The following B3GAT2 variants were observed in gnomAD, a reference collection of about 807,000 sequenced individuals.
B3GAT2 encodes galactosylgalactosylxylosylprotein 3-beta-glucuronosyltransferase 2.
Under a neutral mutation model 27.8 loss-of-function variants are expected in B3GAT2, and 26 were observed. That is an observed-to-expected ratio of 0.93 (90% CI 0.68 to 1.30). The LOEUF (loss-of-function observed/expected upper bound fraction) is 1.30, where lower values mean the gene tolerates loss of function less well. B3GAT2 is among the 50% of genes most tolerant of loss of function. The probability of loss-of-function intolerance (pLI) is 0.00; values close to 1 mark genes in which losing one functional copy is unlikely to be tolerated. For synonymous variants in B3GAT2, 218 were observed against 195.1 expected, an observed-to-expected ratio of 1.12 and a Z score of -0.98; for missense variants, 458 against 459.0, an observed-to-expected ratio of 1.00 and a Z score of 0.02.
At position 70,947,480 on chromosome 6, in the gene B3GAT2, G is replaced by A. The variant is rs560676265; in HGVS notation, c.591+8359C>T. Among the ~76,000 whole-genome samples the A allele has an allele frequency of 1.9e-3, 286 of 152,240 alleles. 1 individual carries two copies. Among genetic ancestry groups the A allele is most frequent in the African/African-American group, 6.0e-3 (249 of 41,538 alleles). ...CTACGCAAATAAACTAGAAAATCTA[G>A]AAGAAATGGATAAATTCCTCGACAC... On this transcript the variant is annotated intron_variant, in intron 1 of 3. Coordinates refer to ENST00000230053, the MANE Select transcript of B3GAT2 (RefSeq NM_080742.3).
chr6:70,943,761 T>A (rs373562764), intron 1 of B3GAT2, among the ~76,000 whole-genome samples: 2 of 152,110 alleles, frequency 1.3e-5, no homozygotes, highest in Non-Finnish European at 2.9e-5. Context: ...AGAGATGAGA[T>A]AAAATTTTCA....
chr6:70,861,496 A>G lies in B3GAT2; in HGVS notation c.*167T>C, dbSNP rs1000419985. 1.6e-6 allele frequency: 1 copy of G among 619,152 alleles called. No homozygotes were observed. The highest frequency in any genetic ancestry group is 1.8e-5 in the African/African-American group (1 of 54,204). The allele number at this position is 619,152 out of a possible 1,614,324, so 38.4% of individuals were successfully genotyped here. On this transcript the variant is annotated 3_prime_UTR_variant, in exon 4 of 4. Coordinates refer to ENST00000230053, the MANE Select transcript of B3GAT2 (RefSeq NM_080742.3). ...TTTGTACCAACCATCCAATTAGCTT[A>G]TGTTAACTGACAAGCTCCATTTAAA...
chr6:70,938,059 A>C (rs1165758808), intron 1 of B3GAT2, among the ~76,000 whole-genome samples: 3 of 150,996 alleles, frequency 2.0e-5, no homozygotes, highest in Non-Finnish European at 3.0e-5. Context: ...GCAAAGTCTC[A>C]GGATACAAAA....
chr6:70,940,843 G>A (rs73745721), intron 1 of B3GAT2, among the ~76,000 whole-genome samples: 2,101 of 152,190 alleles, frequency 0.014, 55 homozygotes, highest in African/African-American at 0.048. Flanking sequence ...CAGGGGAATC[G>A]CTTCAATCCA....
At chr6:70,864,933 T>C in intron 2 of B3GAT2, among the ~76,000 whole-genome samples, 1 of 151,770 alleles carries the variant, frequency 6.6e-6, no homozygotes, top group Admixed American at 6.6e-5. Context: ...CCTGGTCAGC[T>C]GAGTAAAAAA....
intron 2 of B3GAT2, among the ~76,000 whole-genome samples, chr6:70,867,361 T>C (rs747436070): frequency 2.0e-5 from 3 of 151,722 alleles, no homozygotes; most frequent in Non-Finnish European, 4.4e-5. Flanking sequence ...TAGAAAACAA[T>C]TGAGAAGATA....
Position 70,857,960 on chromosome 6 carries a change from C to G in B3GAT2, c.*3703G>C. Reference sequence around the variant, plus strand: ...ACCCACAAATATACCATTTACCTCACAAGCACCAGCTGCATTTCAGGGCTT... The same window carrying G: ...ACCCACAAATATACCATTTACCTCAGAAGCACCAGCTGCATTTCAGGGCTT... On this transcript the variant is annotated 3_prime_UTR_variant, in exon 4 of 4. Transcript: ENST00000230053. 1.2e-6 allele frequency: 2 copies of G among 1,614,118 alleles called. No individual in the cohort carries two copies. Among genetic ancestry groups the G allele is most frequent in the Non-Finnish European group, 1.7e-6 (2 of 1,179,994 alleles).
chr6:70,859,456 G>T lies in B3GAT2; in HGVS notation c.*2207C>A. On this transcript the variant is annotated 3_prime_UTR_variant, in exon 4 of 4. Coordinates refer to ENST00000230053, the MANE Select transcript of B3GAT2 (RefSeq NM_080742.3). The stretch of plus-strand genomic sequence containing the variant: ...TCTGCTTCTTCAGACACTTATGCCT[G>T]ATTAGTGATGTAGTTTATGTTAGTG... 2 of 1,264,946 alleles carry T rather than the reference G, an allele frequency of 1.6e-6. No homozygotes were observed. The highest frequency in any genetic ancestry group is 2.8e-5 in the South Asian group (2 of 72,692). 78.4% of individuals were successfully genotyped at this position (1,264,946 alleles called of 1,614,324 possible). A position where few individuals can be genotyped will look rare whatever the true frequency, so the allele number is the denominator to read the frequency against.
chr6:70,935,474 G>GTGTATATATATATATA (rs1765252870), intron 1 of B3GAT2, among the ~76,000 whole-genome samples: 3 of 151,226 alleles, frequency 2.0e-5, no homozygotes, highest in South Asian at 2.1e-4. Flanking sequence ...ATATATATGT[G>GTGTATATATATATATA]TATATATATA....
chr6:70,866,930 T>A (rs1771860973), intron 2 of B3GAT2, among the ~76,000 whole-genome samples: 2 of 152,086 alleles, frequency 1.3e-5, no homozygotes, highest in African/African-American at 2.4e-5. Flanking sequence ...TAAATCTGTC[T>A]CAATACATTT....
At position 70,944,147 on chromosome 6, in the gene B3GAT2, C is replaced by T. The variant is rs371090656; in HGVS notation, c.591+11692G>A. 1.3e-3 allele frequency among the ~76,000 whole-genome samples: 200 copies of T among 152,270 alleles called. 2 individuals carry two copies. Among genetic ancestry groups the T allele is most frequent in the Non-Finnish European group, 1.9e-3 (128 of 68,032 alleles). ...GGTCTACAGCTCCCAGCGTGAGCGA[C>T]GCAGAAGATGGGTGATTTCTGCATT... On this transcript the variant is annotated intron_variant, in intron 1 of 3. Coordinates refer to ENST00000230053, the MANE Select transcript of B3GAT2 (RefSeq NM_080742.3).
chr6:70,913,527 G>A (rs1436769915), intron 1 of B3GAT2, among the ~76,000 whole-genome samples: 3 of 152,142 alleles, frequency 2.0e-5, no homozygotes, highest in African/African-American at 7.2e-5. Flanking sequence ...GATCTTCTTG[G>A]GGCTGATTTC....
intron 2 of B3GAT2, among the ~76,000 whole-genome samples, chr6:70,887,716 C>T (rs868405514): frequency 1.2e-4 from 19 of 152,154 alleles, no homozygotes; most frequent in Admixed American, 5.9e-4. Flanking sequence ...CATTATAACA[C>T]GGGAGGAGCT....
At chr6:70,912,876 A>G (rs577214246) in intron 1 of B3GAT2, among the ~76,000 whole-genome samples, 2 of 152,096 alleles carry the variant, frequency 1.3e-5, no homozygotes, top group Non-Finnish European at 2.9e-5. Flanking sequence ...CAGGGTTTCA[A>G]TTTCTTCCTT....
chr6:70,900,312 T>C (rs1772476000), intron 1 of B3GAT2, among the ~76,000 whole-genome samples: 2 of 152,184 alleles, frequency 1.3e-5, no homozygotes, highest in Non-Finnish European at 1.5e-5. Flanking sequence ...TCCAGGGTAG[T>C]GGTGCTTGTT....
chr6:70,956,393 G>A lies in B3GAT2; in HGVS notation c.37C>T (p.Leu13=). 1 of 1,553,542 alleles carries A rather than the reference G, an allele frequency of 6.4e-7. No individual in the cohort carries two copies. The highest frequency in any genetic ancestry group is 8.7e-7 in the Non-Finnish European group (1 of 1,147,960). ...ATGATGACAATTAGGATCCAGGGCA[G>A]GAGGATAAAGAAGCGGGTGAAAAGC... ...SALFTRFFIL[L]PWILIVIIML... The change falls in exon 1 of 4, where the codon CTG becomes TTG. Residue 13 remains leucine, a synonymous_variant. Coordinates refer to ENST00000230053, the MANE Select transcript of B3GAT2 (RefSeq NM_080742.3).
At chr6:70,926,377 C>T (rs10945267) in intron 1 of B3GAT2, among the ~76,000 whole-genome samples, 71,883 of 151,978 alleles carry the variant, frequency 0.47, 17,541 homozygotes, top group East Asian at 0.69. Flanking sequence ...CAAACTTCTC[C>T]GAGCTAAAGG....
At chr6:70,895,195 TAA>T (rs1772359070) in intron 1 of B3GAT2, among the ~76,000 whole-genome samples, 1 of 152,208 alleles carries the variant, frequency 6.6e-6, no homozygotes, top group Admixed American at 6.5e-5. Context: ...GGACGAGGTA[TAA>T]CCTGCACAAC....
At chr6:70,942,484 G>A (rs1765410860) in intron 1 of B3GAT2, among the ~76,000 whole-genome samples, 1 of 152,088 alleles carries the variant, frequency 6.6e-6, no homozygotes. Flanking sequence ...ACTAGGCCCT[G>A]TTGTTCTTTA....
Sources: allele counts gnomAD v4.1 joint callset (sites outside exome capture counted in the v4.1 genomes callset), GRCh38; gene constraint gnomAD v4.1.1; transcripts MANE v1.5; gene names NCBI Gene and HGNC (gene_info 2026-07-23, HGNC 2026-07-21).